The following RYR2 variants were observed in gnomAD, a reference collection of about 807,000 sequenced individuals.
RYR2 encodes the protein ryanodine receptor 2.
A neutral mutation model predicts 601.1 loss-of-function variants in RYR2; 227 were observed. The observed-to-expected ratio is 0.38, with a 90% CI of 0.34 to 0.42. The LOEUF (loss-of-function observed/expected upper bound fraction) is 0.42. Among genes scored for constraint, RYR2 ranks in the 10% least tolerant of loss-of-function variants. RYR2 has a pLI of 1.00. For missense variants in RYR2, 4,646 were observed against 6,156.5 expected (o/e 0.75, Z 8.21); for synonymous variants, 2,223 against 2,175.1 (o/e 1.02, Z -0.61).
At chr1:237,187,474 C>T (rs555282833) in intron 1 of RYR2, among the ~76,000 whole-genome samples, 2 of 105,872 alleles carry the variant, frequency 1.9e-5, no homozygotes, top group South Asian at 6.5e-4. Context: ...AGACAAGTCT[C>T]ACTCTGTCAC....
chr1:237,442,979 T>C (rs558643256), intron 13 of RYR2, among the ~76,000 whole-genome samples: 15 of 152,346 alleles, frequency 9.8e-5, no homozygotes, highest in African/African-American at 3.4e-4. Flanking sequence ...AAGTTGGGTA[T>C]GTGAATCTAC....
chr1:237,757,707 A>G lies in RYR2; in HGVS notation c.11256A>G (p.Gly3752=). The G allele has an allele frequency of 6.2e-7, 1 of 1,609,052 alleles. No individual in the cohort carries two copies. The part of the protein sequence containing the change: ...QTISASKGET[G]PMVAATLKLG... ...TTTTATATTTCTTAGGTGAAACTGGACCAATGGTAGCAGCTACTCTGAAAC... is the reference window on the plus strand; with the variant it reads ...TTTTATATTTCTTAGGTGAAACTGGGCCAATGGTAGCAGCTACTCTGAAAC... The change falls in exon 82 of 105, where the codon GGA becomes GGG. Residue 3752 remains glycine, a synonymous_variant. Coordinates refer to ENST00000366574, the MANE Select transcript of RYR2 (RefSeq NM_001035.3).
At chr1:237,065,575 G>A (rs1044419249) in intron 1 of RYR2, among the ~76,000 whole-genome samples, 4 of 151,988 alleles carry the variant, frequency 2.6e-5, no homozygotes, top group Admixed American at 6.6e-5. Context: ...GTGAGCCACC[G>A]TGCCTGGCCT....
At chr1:237,061,989 A>C (rs1387575540) in intron 1 of RYR2, among the ~76,000 whole-genome samples, 1 of 152,258 alleles carries the variant, frequency 6.6e-6, no homozygotes, top group Admixed American at 6.5e-5. Context: ...GTTATTTAAA[A>C]GGCTACCTTT....
chr1:237,380,421 TA>T lies in RYR2; in HGVS notation c.576+2987del, dbSNP rs58840016. ...ATATATATATATATATATATATATATAGTAAATACGAAGTCTGGTGAGTATG... is the reference window on the plus strand; with the variant it reads ...ATATATATATATATATATATATATATGTAAATACGAAGTCTGGTGAGTATG... On this transcript the variant is annotated intron_variant, in intron 8 of 104. Transcript: ENST00000366574. Among the ~76,000 whole-genome samples the T allele has an allele frequency of 1.4e-3, 66 of 47,798 alleles. 4 individuals carry two copies. The highest frequency in any genetic ancestry group is 4.9e-3 in the African/African-American group (65 of 13,270). The allele number at this position is 47,798 out of a possible 152,430, so 31.4% of individuals were successfully genotyped here.
Position 237,806,253 on chromosome 1 carries a change from C to A in RYR2, c.14268C>A (p.Ile4756=). 1 of 1,613,678 alleles carries A rather than the reference C, an allele frequency of 6.2e-7. No homozygotes were observed. The highest frequency in any genetic ancestry group is 1.1e-5 in the South Asian group (1 of 91,064). ...IAMGFKTLRT[I]LSSVTHNGKQ... ...TGGGATTCAAGACATTAAGAACCAT[C>A]TTGTCCTCAGTAACTCACAATGGCA... Residue 4756 remains isoleucine (I), a synonymous_variant, in exon 99 of 105, where the codon ATC becomes ATA. Transcript: ENST00000366574.
At chr1:237,696,335 C>G (rs1687430937) in intron 63 of RYR2, among the ~76,000 whole-genome samples, 1 of 152,116 alleles carries the variant, frequency 6.6e-6, no homozygotes. Context: ...TCTCTTCCTC[C>G]TCATGGGCCT....
At chr1:237,566,969 G>C (rs1186024444) in intron 28 of RYR2, among the ~76,000 whole-genome samples, 194 bp downstream of exon 28, 1 of 152,144 alleles carries the variant, frequency 6.6e-6, no homozygotes, top group Non-Finnish European at 1.5e-5. Flanking sequence ...AATTCACCAA[G>C]TAAGACATTG....
At chr1:237,515,665 C>CTTCT in intron 24 of RYR2, among the ~76,000 whole-genome samples, 1 of 14,736 alleles carries the variant, frequency 6.8e-5, no homozygotes, top group Non-Finnish European at 1.4e-4. Context: ...CCCTTCCCCT[C>CTTCT]CCTTTTTTTC....
chr1:237,333,963 G>A (rs770919750), intron 3 of RYR2, among the ~76,000 whole-genome samples: 1 of 152,156 alleles, frequency 6.6e-6, no homozygotes. Flanking sequence ...CTTTCTTTAC[G>A]AAGCCCTGTT....
chr1:237,350,631 ATATC>A (rs1239032579), intron 3 of RYR2, among the ~76,000 whole-genome samples: 2,476 of 105,030 alleles, frequency 0.024, 62 homozygotes, highest in East Asian at 0.065. Flanking sequence ...ATATATATAT[ATATC>A]TCTGACCTCT....
intron 2 of RYR2, among the ~76,000 whole-genome samples, chr1:237,303,646 A>G (rs1266727600): frequency 2.6e-5 from 4 of 152,256 alleles, no homozygotes; most frequent in African/African-American, 9.6e-5. Flanking sequence ...TGTTTATACT[A>G]CCTGAAAACC....
chr1:237,610,913 G>C lies in RYR2; in HGVS notation c.4835G>C (p.Ser1612Thr). The change falls in exon 36 of 105, where the codon AGT becomes ACT. Residue 1612 changes from serine (S) to threonine (T), a missense_variant. Around this residue, in one of 17 missense-constraint regions of RYR2, gnomAD observed 1,807 missense variants for 2,088.1 expected, o/e 0.87. Transcript: ENST00000366574. The surrounding 1 kb of genome is among the most constrained non-coding windows in gnomAD (Gnocchi z 4.9). Reference sequence around the variant, plus strand: ...TTGAAGGTAGATGTGTCTCGAATAAGTGAACGCCAAGGCTGGTTGGTGCAG... The same window carrying C: ...TTGAAGGTAGATGTGTCTCGAATAACTGAACGCCAAGGCTGGTTGGTGCAG... ...QFLKVDVSRI[S>T]ERQGWLVQCL... 1 of 1,613,540 alleles carries C rather than the reference G, an allele frequency of 6.2e-7. No individual in the cohort carries two copies. Among genetic ancestry groups the C allele is most frequent in the East Asian group, 2.2e-5 (1 of 44,818 alleles).
At chr1:237,236,860 G>T (rs1685600335) in intron 1 of RYR2, among the ~76,000 whole-genome samples, 1 of 152,138 alleles carries the variant, frequency 6.6e-6, no homozygotes, top group South Asian at 2.1e-4. Flanking sequence ...ATTGTTGGAG[G>T]CTCTATCCAA....
At chr1:237,630,120 G>A (rs2148677171) in intron 41 of RYR2, among the ~76,000 whole-genome samples, 1 of 152,162 alleles carries the variant, frequency 6.6e-6, no homozygotes, top group African/African-American at 2.4e-5. Flanking sequence ...AGTAATATGT[G>A]CCATTAAAAA....
chr1:237,371,527 G>A (rs994346959), intron 6 of RYR2, among the ~76,000 whole-genome samples: 9 of 152,004 alleles, frequency 5.9e-5, no homozygotes, highest in African/African-American at 1.9e-4. Context: ...TAATTTTAGT[G>A]GCAACATGAT....
intron 17 of RYR2, among the ~76,000 whole-genome samples, chr1:237,477,078 C>T (rs1661488523): frequency 6.6e-6 from 1 of 152,148 alleles, no homozygotes; most frequent in Admixed American, 6.5e-5. Context: ...TAAGGGCTTA[C>T]TTGAGAAAAA....
At chr1:237,515,948 TG>T (rs199794345) in intron 24 of RYR2, among the ~76,000 whole-genome samples, 987 of 79,672 alleles carry the variant, frequency 0.012, 13 homozygotes, top group East Asian at 0.078. Flanking sequence ...CTCTTCTCCT[TG>T]CTCTTCTCCT....
Position 237,680,675 on chromosome 1 carries a change from A to T in RYR2, c.9017+98A>T, listed in dbSNP as rs1046767501. 3.7e-6 allele frequency: 3 copies of T among 814,110 alleles called. No individual in the cohort carries two copies. The African/African-American group carries it at 5.2e-5, about 14-fold the overall frequency. The allele number at this position is 814,110 out of a possible 1,614,324, so 50.4% of individuals were successfully genotyped here. On this transcript the variant is annotated intron_variant, in intron 62 of 104. Transcript: ENST00000366574. Reference sequence around the variant, plus strand: ...CTTGAAGTGGGGCTGTACGGAGAGTATCTGCCCATTTCCCTGGTCCGTGTC... The same window carrying T: ...CTTGAAGTGGGGCTGTACGGAGAGTTTCTGCCCATTTCCCTGGTCCGTGTC...
Sources: gnomAD v4.1 joint callset for allele counts (sites outside exome capture counted in the v4.1 genomes callset) on GRCh38, gnomAD v4.1.1 for gene constraint, gnomAD v4.1.1 regional missense constraint, Gnocchi (gnomAD v3.1) non-coding constraint, MANE v1.5 for transcripts, NCBI Gene and HGNC (gene_info 2026-07-23, HGNC 2026-07-21) for gene names.